Variants in PTPRM observed in about 807,000 individuals in gnomAD.
The protein encoded by PTPRM is protein tyrosine phosphatase receptor type M.
Under a neutral mutation model 186.7 loss-of-function variants are expected in PTPRM, and 47 were observed. The observed-to-expected ratio is 0.25, with a 90% CI of 0.20 to 0.32. PTPRM has a LOEUF of 0.32. Ranked by LOEUF, PTPRM falls within the 10% of genes least tolerant of loss-of-function variation. The probability of loss-of-function intolerance (pLI) is 1.00; values close to 1 mark genes in which losing one functional copy is unlikely to be tolerated. For missense variants in PTPRM, 1,494 were observed against 1,865.0 expected (o/e 0.80, Z 3.66); for synonymous variants, 668 against 674.9 (o/e 0.99, Z 0.16).
chr18:8,401,754 G>A (rs980625763), intron 32 of PTPRM, among the ~76,000 whole-genome samples: 5 of 152,224 alleles, frequency 3.3e-5, no homozygotes, highest in African/African-American at 7.2e-5. Context: ...TGCTGGCCTC[G>A]TGACGCCCTC....
intron 1 of PTPRM, among the ~76,000 whole-genome samples, chr18:7,748,369 A>C (rs1598489389): frequency 6.6e-6 from 1 of 152,200 alleles, no homozygotes; most frequent in Admixed American, 6.5e-5. Context: ...CTTGCACAGC[A>C]CCTGCCAAGC....
rs138672731 is a variant in PTPRM, at chr18:7,697,331, G to A, written c.74-76818G>A. ...TATTTGGTCTTGTTAGAATTAAAAT[G>A]TACCCCTTCAGGAAAGTTCTCTTGA... On this transcript the variant is annotated intron_variant, in intron 1 of 32. Transcript: ENST00000580170. Among the ~76,000 whole-genome samples the A allele has an allele frequency of 5.1e-3, 777 of 152,228 alleles. 5 individuals carry two copies. The highest frequency in any genetic ancestry group is 8.1e-3 in the Non-Finnish European group (550 of 68,018).
At chr18:7,613,944 G>T (rs1464568149) in intron 1 of PTPRM, among the ~76,000 whole-genome samples, 1 of 152,160 alleles carries the variant, frequency 6.6e-6, no homozygotes, top group East Asian at 1.9e-4. Flanking sequence ...AACATTTATA[G>T]TCTTACTGGG....
chr18:7,722,188 A>C (rs2040459131), intron 1 of PTPRM, among the ~76,000 whole-genome samples: 1 of 152,160 alleles, frequency 6.6e-6, no homozygotes, highest in Non-Finnish European at 1.5e-5. Context: ...GGCAACCACT[A>C]ATCTGCTTTC....
intron 32 of PTPRM, among the ~76,000 whole-genome samples, chr18:8,402,489 A>G (rs1428956320): frequency 1.3e-5 from 2 of 152,226 alleles, no homozygotes; most frequent in Non-Finnish European, 2.9e-5. Flanking sequence ...CACTAGGTGC[A>G]TTTTAACATG....
chr18:8,203,081 C>A (rs955051287), intron 14 of PTPRM, among the ~76,000 whole-genome samples: 1 of 152,144 alleles, frequency 6.6e-6, no homozygotes, highest in Non-Finnish European at 1.5e-5. Context: ...TATATTTGTG[C>A]AATTACTGAG....
chr18:7,678,298 A>G (rs1188619864), intron 1 of PTPRM, among the ~76,000 whole-genome samples: 2 of 152,066 alleles, frequency 1.3e-5, no homozygotes, highest in Non-Finnish European at 2.9e-5. Flanking sequence ...GCTCCTGTTG[A>G]CACCTATTTC....
intron 2 of PTPRM, among the ~76,000 whole-genome samples, chr18:7,860,475 G>A (rs1434753789): frequency 6.6e-6 from 1 of 152,004 alleles, no homozygotes; most frequent in Non-Finnish European, 1.5e-5. Flanking sequence ...AGGGGGCGGG[G>A]GTCTGTCTTG....
chr18:8,016,336 A>G (rs1368234961), intron 7 of PTPRM, among the ~76,000 whole-genome samples: 1 of 152,104 alleles, frequency 6.6e-6, no homozygotes, highest in East Asian at 1.9e-4. Flanking sequence ...CCTGGCCAAC[A>G]TGGTGAAACC....
intron 2 of PTPRM, among the ~76,000 whole-genome samples, chr18:7,832,864 A>G (rs770601515): frequency 2.6e-5 from 4 of 152,174 alleles, no homozygotes; most frequent in Non-Finnish European, 4.4e-5. Flanking sequence ...AACACCATTT[A>G]TTGAAGAGAT....
intron 23 of PTPRM, among the ~76,000 whole-genome samples, chr18:8,358,810 A>C (rs190924949): frequency 2.0e-5 from 3 of 152,310 alleles, no homozygotes; most frequent in Non-Finnish European, 4.4e-5. Context: ...CTGTTTCAGG[A>C]GAGGTGGAAG....
At chr18:7,908,465 C>G (rs2050107433) in intron 4 of PTPRM, among the ~76,000 whole-genome samples, 1 of 152,064 alleles carries the variant, frequency 6.6e-6, no homozygotes, top group Admixed American at 6.5e-5. Context: ...CCACCAGGAC[C>G]CTCTTTGTTA....
chr18:7,638,254 A>C (rs1048979855), intron 1 of PTPRM, among the ~76,000 whole-genome samples: 2 of 152,230 alleles, frequency 1.3e-5, no homozygotes, highest in African/African-American at 2.4e-5. Flanking sequence ...TATATCTGTA[A>C]GAGGAGAGTG....
At chr18:8,170,933 C>G (rs543289213) in intron 14 of PTPRM, among the ~76,000 whole-genome samples, 1 of 152,320 alleles carries the variant, frequency 6.6e-6, no homozygotes, top group Admixed American at 6.5e-5. Context: ...TGCCACATAA[C>G]TTGCAGATGC....
chr18:8,332,625 A>C (rs1216322054), intron 22 of PTPRM, among the ~76,000 whole-genome samples: 1 of 152,160 alleles, frequency 6.6e-6, no homozygotes, highest in Non-Finnish European at 1.5e-5. Flanking sequence ...CGGAAAGTGT[A>C]TGCCTGATTT....
intron 1 of PTPRM, among the ~76,000 whole-genome samples, chr18:7,655,629 T>C (rs1305719387): frequency 6.6e-6 from 1 of 152,250 alleles, no homozygotes; most frequent in Non-Finnish European, 1.5e-5. Flanking sequence ...TGCCAAAAGT[T>C]GGAATCAACC....
At chr18:7,664,065 G>A (rs2039039533) in intron 1 of PTPRM, among the ~76,000 whole-genome samples, 2 of 151,906 alleles carry the variant, frequency 1.3e-5, no homozygotes, top group Non-Finnish European at 1.5e-5. Context: ...GAAAGGGTAA[G>A]GGCTTACTCA....
chr18:7,578,311 A>C (rs1033305067), intron 1 of PTPRM, among the ~76,000 whole-genome samples: 1 of 149,250 alleles, frequency 6.7e-6, no homozygotes, highest in Admixed American at 6.7e-5. Context: ...GCATAGGTGC[A>C]TCACCATGCC....
intron 5 of PTPRM, among the ~76,000 whole-genome samples, chr18:7,941,186 A>G (rs2052149388): frequency 6.6e-6 from 1 of 152,036 alleles, no homozygotes; most frequent in Non-Finnish European, 1.5e-5. Flanking sequence ...CCCCTTCTTC[A>G]GTTCCCTAAC....
Sources: allele counts gnomAD v4.1 joint callset (sites outside exome capture counted in the v4.1 genomes callset), GRCh38; gene constraint gnomAD v4.1.1; transcripts MANE v1.5; gene names NCBI Gene and HGNC (gene_info 2026-07-23, HGNC 2026-07-21).